Variants in GUCY1A2 observed in about 807,000 individuals in gnomAD.
The protein encoded by GUCY1A2 is guanylate cyclase soluble subunit alpha-2.
Under a neutral mutation model 63.5 loss-of-function variants are expected in GUCY1A2, and 27 were observed. The observed-to-expected ratio is 0.43, with a 90% confidence interval of 0.31 to 0.59. The LOEUF (loss-of-function observed/expected upper bound fraction) is 0.59. Ranked by LOEUF, GUCY1A2 falls within the 20% of genes least tolerant of loss-of-function variation. GUCY1A2 has a pLI of 0.11. For missense variants in GUCY1A2, 768 were observed against 913.3 expected (o/e 0.84, Z 2.05); for synonymous variants, 364 against 343.5 (o/e 1.06, Z -0.66).
chr11:106,812,785 C>A (rs1055765234), intron 4 of GUCY1A2, among the ~76,000 whole-genome samples: 5 of 151,906 alleles, frequency 3.3e-5, no homozygotes, highest in Admixed American at 6.6e-5. Context: ...TCTACATAAA[C>A]AGACCCTGAA....
chr11:106,848,004 TC>T (rs1199071352), intron 4 of GUCY1A2, among the ~76,000 whole-genome samples: 1 of 151,468 alleles, frequency 6.6e-6, no homozygotes, highest in African/African-American at 2.4e-5. Context: ...TAAGGAAGGA[TC>T]TGGACACTGA....
At chr11:106,864,329 G>T (rs1859558914) in intron 4 of GUCY1A2, among the ~76,000 whole-genome samples, 1 of 151,866 alleles carries the variant, frequency 6.6e-6, no homozygotes, top group South Asian at 2.1e-4. Flanking sequence ...ACATAAAAAT[G>T]GGGTTTTCTA....
chr11:106,842,037 A>G (rs184547851), intron 4 of GUCY1A2, among the ~76,000 whole-genome samples: 22 of 151,974 alleles, frequency 1.4e-4, no homozygotes, highest in African/African-American at 5.3e-4. Context: ...GGGTTTGGCC[A>G]ATGGTAAACG....
chr11:106,677,051 C>G lies in GUCY1A2; in HGVS notation c.*10498G>C. 4.7e-6 allele frequency: 1 copy of G among 213,968 alleles called. No individual in the cohort carries two copies. The highest frequency in any genetic ancestry group is 9.5e-6 in the Non-Finnish European group (1 of 105,556). 13.3% of individuals were successfully genotyped at this position (213,968 alleles called of 1,614,324 possible). A position where few individuals can be genotyped will look rare whatever the true frequency, so the allele number is the denominator to read the frequency against. On this transcript the variant is annotated 3_prime_UTR_variant, in exon 8 of 8. Transcript: ENST00000526355. ...CATCTACGTGCTCATCTTCTTTCCCCTTTTCTCACAAATCCACAAAGTGTT... is the reference window on the plus strand; with the variant it reads ...CATCTACGTGCTCATCTTCTTTCCCGTTTTCTCACAAATCCACAAAGTGTT...
At chr11:106,709,363 TATATATAAATTATATATA>T (rs1862997318) in intron 6 of GUCY1A2, among the ~76,000 whole-genome samples, 1 of 100,278 alleles carries the variant, frequency 1.0e-5, no homozygotes, top group Non-Finnish European at 1.8e-5. Flanking sequence ...TTTTATATAA[TATATATAAATTATATATA>T]TTATATATTA....
chr11:106,718,092 A>G (rs1286041326), intron 6 of GUCY1A2, among the ~76,000 whole-genome samples: 1 of 152,202 alleles, frequency 6.6e-6, no homozygotes, highest in Admixed American at 6.5e-5. Flanking sequence ...AGAATGTCAC[A>G]TCAAGTAATA....
At chr11:106,926,740 C>A (rs1374656652) in intron 4 of GUCY1A2, among the ~76,000 whole-genome samples, 1 of 151,862 alleles carries the variant, frequency 6.6e-6, no homozygotes, top group Non-Finnish European at 1.5e-5. Context: ...GGAGGTCACA[C>A]TGTAAAACAA....
In GUCY1A2 at chr11:106,676,217, T is replaced by C. The variant is rs1306458516; in HGVS notation, c.*11332A>G. On this transcript the variant is annotated 3_prime_UTR_variant, in exon 8 of 8. Transcript: ENST00000526355. ...TTGTTCAAATTATTATAAAGTCAAT[T>C]AGAAATACCTACAATGGAAGAATGC... 3 of 181,098 alleles carry C rather than the reference T, an allele frequency of 1.7e-5. No individual in the cohort carries two copies. Among genetic ancestry groups the C allele is most frequent in the Non-Finnish European group, 3.5e-5 (3 of 84,802 alleles). The allele number at this position is 181,098 out of a possible 1,614,324, so 11.2% of individuals were successfully genotyped here. A position where few individuals can be genotyped will look rare whatever the true frequency, so the allele number is the denominator to read the frequency against.
intron 7 of GUCY1A2, among the ~76,000 whole-genome samples, chr11:106,693,865 T>C (rs1384474588): frequency 1.3e-5 from 2 of 152,130 alleles, no homozygotes; most frequent in Admixed American, 6.5e-5. Flanking sequence ...TTTTCTTTAG[T>C]TCTCTATATT....
chr11:106,738,190 T>A (rs544509069), intron 6 of GUCY1A2, among the ~76,000 whole-genome samples: 1 of 152,350 alleles, frequency 6.6e-6, no homozygotes, highest in East Asian at 1.9e-4. Context: ...CATAAATGTC[T>A]TCTTCTGAAA....
chr11:106,836,210 C>T (rs1859115343), intron 4 of GUCY1A2, among the ~76,000 whole-genome samples: 1 of 151,828 alleles, frequency 6.6e-6, no homozygotes, highest in South Asian at 2.1e-4. Context: ...CTTTTGACTC[C>T]CCTGAAACCT....
chr11:106,719,144 T>A (rs1863269887), intron 6 of GUCY1A2, among the ~76,000 whole-genome samples: 1 of 152,164 alleles, frequency 6.6e-6, no homozygotes, highest in East Asian at 1.9e-4. Flanking sequence ...TTTAATAAAG[T>A]CTGTTAATTG....
rs186407171 is a variant in GUCY1A2 at position 106,763,859 on chromosome 11, A to T, written c.1836+12580T>A. ...TCAATCAGTGCTTTTCGTTACGTAAATAAAAAATAATCTTAGATAACAATA... is the reference window on the plus strand; with the variant it reads ...TCAATCAGTGCTTTTCGTTACGTAATTAAAAAATAATCTTAGATAACAATA... On this transcript the variant is annotated intron_variant, in intron 6 of 7. Coordinates refer to ENST00000526355, the MANE Select transcript of GUCY1A2 (RefSeq NM_000855.3). Among the ~76,000 whole-genome samples the T allele has an allele frequency of 3.5e-3, 531 of 152,246 alleles. 3 individuals are homozygous for T. Among genetic ancestry groups the T allele is most frequent in the African/African-American group, 0.012 (517 of 41,566 alleles).
At chr11:106,725,554 A>G (rs1863393645) in intron 6 of GUCY1A2, among the ~76,000 whole-genome samples, 1 of 152,164 alleles carries the variant, frequency 6.6e-6, no homozygotes, top group South Asian at 2.1e-4. Context: ...TTCAATTTAA[A>G]AATATATTTT....
chr11:106,768,248 G>A (rs1012132458), intron 6 of GUCY1A2, among the ~76,000 whole-genome samples: 5 of 152,024 alleles, frequency 3.3e-5, no homozygotes, highest in African/African-American at 1.2e-4. Flanking sequence ...TCAGCTTCTC[G>A]AGTATCTGGG....
In GUCY1A2 at chr11:107,017,907, G is replaced by C; in HGVS notation, c.149C>G (p.Pro50Arg). 1 of 1,265,338 alleles carries C rather than the reference G, an allele frequency of 7.9e-7. No homozygotes were observed. Among genetic ancestry groups the C allele is most frequent in the Non-Finnish European group, 1.0e-6 (1 of 1,003,216 alleles). The allele number at this position is 1,265,338 out of a possible 1,614,324, so 78.4% of individuals were successfully genotyped here. A position where few individuals can be genotyped will look rare whatever the true frequency, so the allele number is the denominator to read the frequency against. ...RSPPGPLEPSPAAAAAAAAPA... is the reference protein window; with the variant it reads ...RSPPGPLEPSRAAAAAAAAPA... ...GGCGGCGGCAGCGGCAGCTGCGGCC[G>C]GGCTGGGCTCCAGCGGCCCGGGCGG... Residue 50 changes from proline to arginine, a missense_variant, in exon 1 of 8, where the codon CCG becomes CGG. Coordinates refer to ENST00000526355, the MANE Select transcript of GUCY1A2 (RefSeq NM_000855.3).
intron 4 of GUCY1A2, among the ~76,000 whole-genome samples, chr11:106,883,884 T>TGG (rs1859861241): frequency 6.6e-6 from 1 of 152,094 alleles, no homozygotes; most frequent in Non-Finnish European, 1.5e-5. Flanking sequence ...GTTCATGTCC[T>TGG]TTGTAGGGAC....
intron 6 of GUCY1A2, among the ~76,000 whole-genome samples, chr11:106,746,140 G>T (rs1407063297): frequency 2.0e-5 from 3 of 152,230 alleles, no homozygotes; most frequent in Middle Eastern, 3.4e-3. Context: ...CATATCAGTG[G>T]CTAGCACCCA....
chr11:106,981,802 G>A (rs141496935), intron 2 of GUCY1A2, among the ~76,000 whole-genome samples: 2 of 151,726 alleles, frequency 1.3e-5, no homozygotes, highest in African/African-American at 2.4e-5. Flanking sequence ...GTTAGAACAC[G>A]AACTGGGCAT....
Sources: allele counts gnomAD v4.1 joint callset (sites outside exome capture counted in the v4.1 genomes callset), GRCh38; gene constraint gnomAD v4.1.1; transcripts MANE v1.5; gene names NCBI Gene and HGNC (gene_info 2026-07-23, HGNC 2026-07-21).